SUCO: variants seen among roughly 807,000 people sequenced by gnomAD.
SUCO encodes SUN domain containing ossification factor, also known as SUN domain-containing ossification factor.
In SUCO, 57 loss-of-function variants were observed where a neutral mutation model predicts 148.1. That is an observed-to-expected ratio of 0.38 (90% confidence interval 0.31 to 0.48). The LOEUF (loss-of-function observed/expected upper bound fraction) is 0.48, where lower values mean the gene tolerates loss of function less well. Ranked by LOEUF, SUCO falls within the 20% of genes least tolerant of loss-of-function variation. The pLI is 0.96. For synonymous variants in SUCO, 470 were observed against 502.7 expected (o/e 0.93, Z 0.87); for missense variants, 1,331 against 1,468.2 (o/e 0.91, Z 1.53).
intron 10 of SUCO, among the ~76,000 whole-genome samples, chr1:172,574,285 G>A (rs1424925671): frequency 6.6e-6 from 1 of 152,030 alleles, no homozygotes; most frequent in Non-Finnish European, 1.5e-5. Flanking sequence ...CATGACTTGT[G>A]AGTTTTAGAA....
At chr1:172,575,003 A>G (rs903165832) in intron 10 of SUCO, 4 of 497,734 alleles carry the variant, frequency 8.0e-6, no homozygotes, top group Admixed American at 6.4e-5. Flanking sequence ...GAGAGGGCTC[A>G]TTATTTTGAG....
chr1:172,538,431 T>C (rs1652187529), intron 1 of SUCO, among the ~76,000 whole-genome samples: 4 of 152,178 alleles, frequency 2.6e-5, no homozygotes, highest in Admixed American at 2.6e-4. Flanking sequence ...ATTTAAAAAC[T>C]AGAACAATAT....
chr1:172,597,516 A>G (rs1657203554), intron 19 of SUCO, among the ~76,000 whole-genome samples: 1 of 152,022 alleles, frequency 6.6e-6, no homozygotes, highest in South Asian at 2.1e-4. Context: ...ACTCTAAAAT[A>G]TTTTTGTTTG....
chr1:172,544,304 T>A (rs12750740), intron 1 of SUCO: 42,194 of 206,644 alleles, frequency 0.2, 4,882 homozygotes, highest in South Asian at 0.27. Context: ...GCTTTTCTAA[T>A]TCATAGTTCA....
At chr1:172,532,865 G>C, upstream of SUCO, 1 of 1,520,794 alleles carries the variant, frequency 6.6e-7, no homozygotes, top group Non-Finnish European at 8.8e-7. Flanking sequence ...ACGCAAGCCA[G>C]CAAGTGGGCG....
rs1479797088 is a variant in SUCO at position 172,572,706 on chromosome 1, A to T, written c.1050-1185A>T. ...CCCAAGAATGATCAATAAAAAAAAA[A>T]AAAAAAAAAAAAAAAAAAAAGAATA... On this transcript the variant is annotated intron_variant, in intron 9 of 23. Transcript: ENST00000263688. Among the ~76,000 whole-genome samples the T allele has an allele frequency of 3.5e-5, 5 of 141,826 alleles. No homozygotes were observed. The East Asian group carries it at 5.8e-4, about 17-fold the overall frequency. 93.0% of individuals were successfully genotyped at this position (141,826 alleles called of 152,430 possible).
intron 6 of SUCO, among the ~76,000 whole-genome samples, chr1:172,564,363 T>C (rs1654405420): frequency 6.6e-6 from 1 of 152,210 alleles, no homozygotes; most frequent in Non-Finnish European, 1.5e-5. Context: ...AAAGCAGTTA[T>C]GGGGGCTCTA....
intron 19 of SUCO, among the ~76,000 whole-genome samples, chr1:172,593,670 G>A (rs926712778): frequency 3.9e-5 from 6 of 152,092 alleles, no homozygotes; most frequent in South Asian, 2.1e-4. Flanking sequence ...TGCTGGATTC[G>A]GTTTGCCAGT....
rs1558180860 is a variant in SUCO, at chr1:172,557,332, C to G, written c.496C>G (p.Gln166Glu). 1.2e-6 allele frequency: 2 copies of G among 1,613,840 alleles called. No individual in the cohort carries two copies. Among genetic ancestry groups the G allele is most frequent in the Non-Finnish European group, 1.7e-6 (2 of 1,179,838 alleles). Residue 166 changes from glutamine to glutamate, a missense_variant, in exon 5 of 24, where the codon CAG becomes GAG. Transcript: ENST00000263688. ...GATAGCCAAACCAAGTGAAACTGAG[C>G]AGTCTGAAACTGATTGTGATGTTGG... The part of the protein sequence containing the change: ...IPIAKPSETE[Q>E]SETDCDVGEA...
chr1:172,541,700 C>T (rs1255257033), intron 1 of SUCO, among the ~76,000 whole-genome samples: 2 of 152,142 alleles, frequency 1.3e-5, no homozygotes, highest in Admixed American at 6.5e-5. Flanking sequence ...TTCAACATCC[C>T]CTTTCTGTTG....
rs1448317326 is a variant in SUCO at position 172,606,418 on chromosome 1, A to G, written c.3266-2329A>G. Among the ~76,000 whole-genome samples, 3 of 151,800 alleles carry G rather than the reference A, an allele frequency of 2.0e-5. No homozygotes were observed. The East Asian group carries it at 5.8e-4, about 29-fold the overall frequency. ...ACTAGTTACCCTAGAAGTCAGAAGT[A>G]TTAATGTTTGCCAAAGTCTCAAGTT... is the stretch of plus-strand genomic sequence containing the variant. On this transcript the variant is annotated intron_variant, in intron 22 of 23. Transcript: ENST00000263688.
At chr1:172,573,107 T>C (rs1383674069) in intron 9 of SUCO, among the ~76,000 whole-genome samples, 4 of 152,146 alleles carry the variant, frequency 2.6e-5, no homozygotes, top group African/African-American at 9.7e-5. Context: ...TCAAAGTGTA[T>C]AATTTGGTAA....
chr1:172,569,178 T>A (rs766623859), intron 7 of SUCO, 36 bp downstream of exon 7: 124 of 1,459,554 alleles, frequency 8.5e-5, no homozygotes, highest in Non-Finnish European at 1.4e-5. Context: ...ATTTTTTTTT[T>A]AAGTATATGG....
At chr1:172,578,423 AT>A (rs758080503) in intron 14 of SUCO, 34 bp downstream of exon 14, 101 of 1,576,392 alleles carry the variant, frequency 6.4e-5, no homozygotes, top group South Asian at 1.4e-4. Flanking sequence ...TGTTAGGTAT[AT>A]TTTTTTTACT....
chr1:172,586,976 C>T (rs1006309705), intron 17 of SUCO, among the ~76,000 whole-genome samples: 7 of 152,062 alleles, frequency 4.6e-5, no homozygotes, highest in African/African-American at 1.7e-4. Flanking sequence ...TTATGTGGAG[C>T]TGTGATTGCT....
In SUCO at chr1:172,533,536, A is replaced by G. The variant is rs766629995; in HGVS notation, c.62+39A>G. 10 of 1,502,106 alleles carry G rather than the reference A, an allele frequency of 6.7e-6. No homozygotes were observed. The South Asian group carries it at 1.0e-4, about 16-fold the overall frequency. 93.0% of individuals were successfully genotyped at this position (1,502,106 alleles called of 1,614,324 possible). Reference sequence around the variant, plus strand: ...ACGACAAGGGAGTTCCCGTGAGGGGAGTAAATGGGAGGGAGCAGCCCAGGT... The same window carrying G: ...ACGACAAGGGAGTTCCCGTGAGGGGGGTAAATGGGAGGGAGCAGCCCAGGT... On this transcript the variant is annotated intron_variant, in intron 1 of 23. Coordinates refer to ENST00000263688, the MANE Select transcript of SUCO (RefSeq NM_014283.5).
At position 172,570,153 on chromosome 1, in the gene SUCO, A is replaced by G. The variant is rs367980125; in HGVS notation, c.963A>G (p.Ala321=). Residue 321 remains alanine (A), a synonymous_variant, in exon 8 of 24, where the codon GCA becomes GCG. Coordinates refer to ENST00000263688, the MANE Select transcript of SUCO (RefSeq NM_014283.5). ...ASVECGAKIL[A]ANPEAKSTSA... Reference sequence around the variant, plus strand: ...TAGAATGTGGTGCCAAAATTCTAGCAGCTAATCCAGAAGCCAAGGTAGGTG... The same window carrying G: ...TAGAATGTGGTGCCAAAATTCTAGCGGCTAATCCAGAAGCCAAGGTAGGTG... 95 of 1,582,340 alleles carry G rather than the reference A, an allele frequency of 6.0e-5. No individual in the cohort carries two copies. The highest frequency in any genetic ancestry group is 7.5e-5 in the Non-Finnish European group (87 of 1,163,628).
Position 172,596,821 on chromosome 1 carries a change from A to T in SUCO, c.2914-3243A>T, listed in dbSNP as rs933140648. ...CCACTACTCTCTTCAAAGCTGTCAG[A>T]CGGGGACGTTTAAGTCTGCAGAAAT... On this transcript the variant is annotated intron_variant, in intron 19 of 23. Coordinates refer to ENST00000263688, the MANE Select transcript of SUCO (RefSeq NM_014283.5). Among the ~76,000 whole-genome samples, 8 of 152,190 alleles carry T rather than the reference A, an allele frequency of 5.3e-5. No homozygotes were observed. In the East Asian group the frequency reaches 7.7e-4, roughly 15 times the overall value.
intron 19 of SUCO, among the ~76,000 whole-genome samples, chr1:172,599,010 A>G (rs951017625): frequency 5.3e-5 from 8 of 152,238 alleles, no homozygotes; most frequent in African/African-American, 1.9e-4. Flanking sequence ...ACTTAGGTCT[A>G]GAATAATAAA....
Sources: allele counts gnomAD v4.1 joint callset (sites outside exome capture counted in the v4.1 genomes callset), GRCh38; gene constraint gnomAD v4.1.1; transcripts MANE v1.5; gene names NCBI Gene and HGNC (gene_info 2026-07-23, HGNC 2026-07-21).